The following EXOC6B variants were observed in gnomAD, a reference collection of about 807,000 sequenced individuals.
EXOC6B encodes the protein exocyst complex component 6B.
Under a neutral mutation model 113.5 loss-of-function variants are expected in EXOC6B, and 54 were observed. The ratio of observed to expected loss-of-function variants is 0.48; its 90% CI spans 0.38 to 0.60. The LOEUF (loss-of-function observed/expected upper bound fraction) is 0.60, where lower values mean the gene tolerates loss of function less well. EXOC6B is among the 20% of genes least tolerant of loss of function. The pLI is 0.00. For missense variants in EXOC6B, 797 were observed against 977.5 expected (o/e 0.82, Z 2.46); for synonymous variants, 357 against 339.0 (o/e 1.05, Z -0.58).
intron 20 of EXOC6B, among the ~76,000 whole-genome samples, chr2:72,268,080 A>G (rs1172723963): frequency 6.6e-6 from 1 of 152,208 alleles, no homozygotes; most frequent in Non-Finnish European, 1.5e-5. Context: ...ATGGAAGACT[A>G]TACAACACAT....
chr2:72,289,485 C>A (rs1685651792), intron 20 of EXOC6B, among the ~76,000 whole-genome samples: 2 of 152,080 alleles, frequency 1.3e-5, no homozygotes, highest in South Asian at 4.2e-4. Context: ...GATCCAGTCA[C>A]TCGGTTGGTA....
At chr2:72,767,826 A>AAAAAAAAAAAAAAAAAT (rs1683171273) in intron 1 of EXOC6B, among the ~76,000 whole-genome samples, 1 of 139,758 alleles carries the variant, frequency 7.2e-6, no homozygotes, top group Non-Finnish European at 1.6e-5. Flanking sequence ...AAAAAAAAAA[A>AAAAAAAAAAAAAAAAAT]AAAAAAAGAC....
Position 72,569,450 on chromosome 2 carries a change from C to T in EXOC6B, c.846+6042G>A, listed in dbSNP as rs560257591. On this transcript the variant is annotated intron_variant, in intron 7 of 21. Transcript: ENST00000272427. ...TTTGTCATCACATTTAAACCATATC[C>T]CTGACGGCAACACTGCTACTCAAGG... Among the ~76,000 whole-genome samples the T allele has an allele frequency of 5.9e-5, 9 of 152,116 alleles. No homozygotes were observed. The East Asian group carries it at 1.7e-3, about 29-fold the overall frequency.
At chr2:72,708,419 G>A (rs759586630) in intron 6 of EXOC6B, among the ~76,000 whole-genome samples, 3 of 152,208 alleles carry the variant, frequency 2.0e-5, no homozygotes, top group Non-Finnish European at 2.9e-5. Context: ...ACAGTTATAC[G>A]AGTTTTGACA....
At chr2:72,734,862 A>G (rs1680851483) in intron 2 of EXOC6B, among the ~76,000 whole-genome samples, 2 of 152,334 alleles carry the variant, frequency 1.3e-5, no homozygotes, top group African/African-American at 2.4e-5. Flanking sequence ...AAGAAAGGGG[A>G]AAAATATTCA....
intron 18 of EXOC6B, among the ~76,000 whole-genome samples, chr2:72,429,654 C>T (rs1401998935): frequency 6.6e-6 from 1 of 152,076 alleles, no homozygotes. Flanking sequence ...TCTCTTCAAG[C>T]GATGTTGGGC....
chr2:72,699,972 T>A (rs1440226415), intron 6 of EXOC6B, among the ~76,000 whole-genome samples: 3 of 152,176 alleles, frequency 2.0e-5, no homozygotes, highest in Admixed American at 2.0e-4. Flanking sequence ...TCAAGTCCCT[T>A]ACCTAAAATG....
chr2:72,741,320 TCTC>T lies in EXOC6B; in HGVS notation c.260_262del (p.Gly87del), dbSNP rs1681307740. The T allele has an allele frequency of 6.2e-7, 1 of 1,612,208 alleles. No individual in the cohort carries two copies. Among genetic ancestry groups the T allele is most frequent in the Non-Finnish European group, 8.5e-7 (1 of 1,179,460 alleles). ...CCTTCTTACTTTGAGTTTCTGGGCT[TCTC>T]CTCTCACTTTCAGCAGTTCAGTTAT... On this transcript the variant is annotated inframe_deletion, in exon 2 of 22. Coordinates refer to ENST00000272427, the MANE Select transcript of EXOC6B (RefSeq NM_015189.3).
Position 72,653,598 on chromosome 2 carries a change from AC to A in EXOC6B, c.669+64504del, listed in dbSNP as rs57876583. On this transcript the variant is annotated intron_variant, in intron 6 of 21. Coordinates refer to ENST00000272427, the MANE Select transcript of EXOC6B (RefSeq NM_015189.3). ...AAAAAAATAAAAAATATTGCCAGCA[AC>A]CCCCCCCCAAAAAGAAAGAAAGAAA... is the stretch of plus-strand genomic sequence containing the variant. 1.4e-3 allele frequency among the ~76,000 whole-genome samples: 181 copies of A among 133,274 alleles called. 1 individual carries two copies. The highest frequency in any genetic ancestry group is 0.011 in the Middle Eastern group (3 of 284). 87.4% of individuals were successfully genotyped at this position (133,274 alleles called of 152,430 possible).
At chr2:72,291,807 T>C (rs1011020705) in intron 20 of EXOC6B, among the ~76,000 whole-genome samples, 2 of 152,258 alleles carry the variant, frequency 1.3e-5, no homozygotes, top group African/African-American at 4.8e-5. Context: ...TTTAAATGAT[T>C]AGTAGCTAAT....
At chr2:72,272,560 C>T (rs993150445) in intron 20 of EXOC6B, among the ~76,000 whole-genome samples, 9 of 152,094 alleles carry the variant, frequency 5.9e-5, no homozygotes, top group African/African-American at 9.7e-5. Context: ...CTTGGTGTGC[C>T]GTGTTTTCGT....
At chr2:72,803,923 G>A (rs1222554854) in intron 1 of EXOC6B, among the ~76,000 whole-genome samples, 2 of 152,164 alleles carry the variant, frequency 1.3e-5, no homozygotes, top group Non-Finnish European at 2.9e-5. Flanking sequence ...CCATACTTAA[G>A]AATTAACCTA....
chr2:72,508,184 A>AAAACAC (rs923877882), intron 11 of EXOC6B, among the ~76,000 whole-genome samples: 2 of 89,114 alleles, frequency 2.2e-5, no homozygotes, highest in African/African-American at 6.7e-5. Flanking sequence ...AAAAAAAAAA[A>AAAACAC]ACACCTAAAA....
intron 8 of EXOC6B, among the ~76,000 whole-genome samples, chr2:72,530,621 A>G (rs1701954234): frequency 6.6e-6 from 1 of 152,176 alleles, no homozygotes; most frequent in African/African-American, 2.4e-5. Flanking sequence ...TATTTCTTCT[A>G]TATTCTTACT....
At chr2:72,686,662 A>T (rs1310537756) in intron 6 of EXOC6B, among the ~76,000 whole-genome samples, 1 of 152,184 alleles carries the variant, frequency 6.6e-6, no homozygotes, top group African/African-American at 2.4e-5. Flanking sequence ...TAAATTATTT[A>T]TGTTCAAAGA....
intron 6 of EXOC6B, among the ~76,000 whole-genome samples, chr2:72,649,760 C>G (rs1004370388): frequency 6.6e-6 from 1 of 152,000 alleles, no homozygotes; most frequent in Admixed American, 6.6e-5. Context: ...CAGAAACAGC[C>G]CCACAGTACA....
chr2:72,735,954 G>A (rs1225802152), intron 2 of EXOC6B, among the ~76,000 whole-genome samples: 4 of 151,550 alleles, frequency 2.6e-5, no homozygotes, highest in Non-Finnish European at 4.4e-5. Flanking sequence ...GGAGGCTGAG[G>A]CAGCAGATCA....
intron 1 of EXOC6B, among the ~76,000 whole-genome samples, chr2:72,766,561 G>A (rs1683069261): frequency 6.6e-6 from 1 of 152,082 alleles, no homozygotes; most frequent in Non-Finnish European, 1.5e-5. Context: ...ACAGCCTTAC[G>A]ATTTGTTTTT....
intron 18 of EXOC6B, among the ~76,000 whole-genome samples, chr2:72,428,576 C>A (rs1573098483): frequency 6.6e-6 from 1 of 152,192 alleles, no homozygotes; most frequent in Admixed American, 6.5e-5. Flanking sequence ...GCTTGACTTG[C>A]AGTCTCCCTT....
Sources: gnomAD v4.1 joint callset for allele counts (sites outside exome capture counted in the v4.1 genomes callset) on GRCh38, gnomAD v4.1.1 for gene constraint, MANE v1.5 for transcripts, NCBI Gene and HGNC (gene_info 2026-07-23, HGNC 2026-07-21) for gene names.